The following FBXL7 variants were observed in gnomAD, a reference collection of about 807,000 sequenced individuals.
The protein encoded by FBXL7 is F-box/LRR-repeat protein 7.
In FBXL7, 12 loss-of-function variants were observed where a neutral mutation model predicts 38.3. The ratio of observed to expected loss-of-function variants is 0.31; its 90% CI spans 0.20 to 0.51. FBXL7 has a LOEUF of 0.51. Ranked by LOEUF, FBXL7 falls within the 20% of genes least tolerant of loss-of-function variation. The pLI, the probability that FBXL7 is intolerant of heterozygous loss-of-function variation, is 0.98. For missense variants in FBXL7, 567 were observed against 676.4 expected (o/e 0.84, Z 1.79); for synonymous variants, 297 against 300.9 (o/e 0.99, Z 0.13).
intron 2 of FBXL7, among the ~76,000 whole-genome samples, chr5:15,732,624 G>A (rs1735620341): frequency 6.6e-6 from 1 of 152,196 alleles, no homozygotes; most frequent in South Asian, 2.1e-4. Context: ...ATGGTTTAAA[G>A]TCAGAATGAT....
At chr5:15,846,251 C>T (rs989112083) in intron 2 of FBXL7, among the ~76,000 whole-genome samples, 3 of 152,188 alleles carry the variant, frequency 2.0e-5, no homozygotes, top group Non-Finnish European at 4.4e-5. Flanking sequence ...TTCATCTCAT[C>T]TTCTAATGTT....
intron 2 of FBXL7, among the ~76,000 whole-genome samples, chr5:15,715,102 GTT>G (rs1210226298): frequency 6.6e-6 from 1 of 152,096 alleles, no homozygotes; most frequent in Non-Finnish European, 1.5e-5. Context: ...ATAAATCTGT[GTT>G]GTTTTAAGTT....
At chr5:15,517,934 T>C (rs540328746) in intron 1 of FBXL7, among the ~76,000 whole-genome samples, 2 of 152,304 alleles carry the variant, frequency 1.3e-5, no homozygotes, top group South Asian at 2.1e-4. Flanking sequence ...TAGACTAGCA[T>C]TGGCGTCTTG....
intron 2 of FBXL7, among the ~76,000 whole-genome samples, chr5:15,666,792 C>T (rs1456894357): frequency 6.6e-6 from 1 of 152,110 alleles, no homozygotes; most frequent in East Asian, 1.9e-4. Flanking sequence ...TTTTGTTCCT[C>T]CGTTTTCAAA....
chr5:15,884,731 A>C (rs1740606428), intron 2 of FBXL7, among the ~76,000 whole-genome samples: 1 of 152,174 alleles, frequency 6.6e-6, no homozygotes, highest in African/African-American at 2.4e-5. Flanking sequence ...AGTTGGTATA[A>C]AGTCTTTATT....
intron 2 of FBXL7, among the ~76,000 whole-genome samples, chr5:15,710,108 A>G (rs1743816379): frequency 6.6e-6 from 1 of 152,158 alleles, no homozygotes; most frequent in Non-Finnish European, 1.5e-5. Flanking sequence ...CATAGCAAGC[A>G]GGAAGATCTA....
intron 2 of FBXL7, among the ~76,000 whole-genome samples, chr5:15,778,753 A>G (rs566108157): frequency 1.3e-5 from 2 of 152,240 alleles, no homozygotes; most frequent in South Asian, 4.1e-4. Flanking sequence ...TGCTCCCGCT[A>G]GCTTTCTTAT....
At chr5:15,524,068 G>A (rs1392807804) in intron 1 of FBXL7, among the ~76,000 whole-genome samples, 1 of 152,156 alleles carries the variant, frequency 6.6e-6, no homozygotes, top group Non-Finnish European at 1.5e-5. Flanking sequence ...CTTTTATTAT[G>A]TTGTTATCTA....
chr5:15,673,042 A>AAT (rs1742533429), intron 2 of FBXL7, among the ~76,000 whole-genome samples: 1 of 150,786 alleles, frequency 6.6e-6, no homozygotes, highest in Non-Finnish European at 1.5e-5. Flanking sequence ...AAACCCATAT[A>AAT]GTGGCCGGGT....
At chr5:15,753,357 G>A (rs1404519966) in intron 2 of FBXL7, among the ~76,000 whole-genome samples, 1 of 152,146 alleles carries the variant, frequency 6.6e-6, no homozygotes, top group African/African-American at 2.4e-5. Context: ...TACTTTAGAT[G>A]ATCTACATTT....
intron 2 of FBXL7, among the ~76,000 whole-genome samples, chr5:15,743,688 G>A (rs993418792): frequency 6.6e-6 from 1 of 152,232 alleles, no homozygotes; most frequent in Non-Finnish European, 1.5e-5. Context: ...GGGACATTTT[G>A]TTGGTGGTCC....
At chr5:15,582,633 A>G (rs74503772) in intron 1 of FBXL7, among the ~76,000 whole-genome samples, 3,686 of 152,324 alleles carry the variant, frequency 0.024, 155 homozygotes, top group African/African-American at 0.083. Flanking sequence ...ATAAATGATT[A>G]GATAAACAGC....
chr5:15,720,720 C>T (rs923963527), intron 2 of FBXL7, among the ~76,000 whole-genome samples: 4 of 147,800 alleles, frequency 2.7e-5, no homozygotes, highest in Non-Finnish European at 6.0e-5. Context: ...ATGACATCAT[C>T]AGCTACCATA....
At chr5:15,634,337 T>TTTTTTA (rs1741105917) in intron 2 of FBXL7, among the ~76,000 whole-genome samples, 1 of 100,738 alleles carries the variant, frequency 9.9e-6, no homozygotes, top group Non-Finnish European at 2.0e-5. Context: ...TTTTTTTTTT[T>TTTTTTA]AAAAGACAGA....
At chr5:15,532,895 C>G (rs1737469915) in intron 1 of FBXL7, among the ~76,000 whole-genome samples, 2 of 152,202 alleles carry the variant, frequency 1.3e-5, no homozygotes, top group African/African-American at 4.8e-5. Context: ...AATGGGATGT[C>G]AGGATGATAA....
intron 2 of FBXL7, among the ~76,000 whole-genome samples, chr5:15,849,052 C>A (rs1376762845): frequency 6.6e-6 from 1 of 152,216 alleles, no homozygotes. Context: ...TAGTAATGTG[C>A]AGTTTCATGA....
chr5:15,659,146 C>G (rs1033770046), intron 2 of FBXL7, among the ~76,000 whole-genome samples: 2 of 152,116 alleles, frequency 1.3e-5, no homozygotes, highest in Non-Finnish European at 2.9e-5. Context: ...CGGACTGATA[C>G]ACTGAGTTAC....
chr5:15,840,279 A>G (rs1386907264), intron 2 of FBXL7, among the ~76,000 whole-genome samples: 2 of 152,166 alleles, frequency 1.3e-5, no homozygotes, highest in African/African-American at 2.4e-5. Context: ...CTATTTTTCT[A>G]TCCCTCTGCC....
At chr5:15,533,602 A>G (rs746334613) in intron 1 of FBXL7, among the ~76,000 whole-genome samples, 6 of 152,212 alleles carry the variant, frequency 3.9e-5, no homozygotes, top group Admixed American at 3.3e-4. Context: ...ACATCAGAAT[A>G]TCGGAGAAAG....
Sources: gnomAD v4.1 joint callset for allele counts (sites outside exome capture counted in the v4.1 genomes callset) on GRCh38, gnomAD v4.1.1 for gene constraint, MANE v1.5 for transcripts, NCBI Gene and HGNC (gene_info 2026-07-23, HGNC 2026-07-21) for gene names.